Variants in ZNF385D observed in about 807,000 individuals in gnomAD.
The protein encoded by ZNF385D is zinc finger protein 659.
In ZNF385D, 15 loss-of-function variants were observed where a neutral mutation model predicts 35.8. The observed-to-expected ratio is 0.42, with a 90% CI of 0.28 to 0.64. The LOEUF (loss-of-function observed/expected upper bound fraction) is 0.64, where lower values mean the gene tolerates loss of function less well. Among genes scored for constraint, ZNF385D ranks in the 30% least tolerant of loss-of-function variants. ZNF385D has a pLI of 0.23. For missense variants in ZNF385D, 474 were observed against 494.6 expected (o/e 0.96, Z 0.39); for synonymous variants, 212 against 186.8 (o/e 1.13, Z -1.10).
intron 4 of ZNF385D, among the ~76,000 whole-genome samples, chr3:21,496,937 C>G (rs200051292): frequency 1.3e-5 from 2 of 152,052 alleles, no homozygotes; most frequent in African/African-American, 2.4e-5. Context: ...AACCCATACC[C>G]AACATCATAC....
chr3:21,806,949 T>A (rs570103104), intron 3 of ZNF385D, among the ~76,000 whole-genome samples: 1 of 152,234 alleles, frequency 6.6e-6, no homozygotes, highest in Non-Finnish European at 1.5e-5. Flanking sequence ...AGAAATTTCA[T>A]TGCCCATGGG....
At chr3:21,502,909 G>A (rs919527696) in intron 4 of ZNF385D, among the ~76,000 whole-genome samples, 15 of 152,278 alleles carry the variant, frequency 9.9e-5, no homozygotes, top group African/African-American at 3.1e-4. Flanking sequence ...GTGCCAAGAC[G>A]TATGCAGTGG....
chr3:21,851,433 G>A (rs1364513153), intron 3 of ZNF385D, among the ~76,000 whole-genome samples: 5 of 151,844 alleles, frequency 3.3e-5, no homozygotes, highest in Non-Finnish European at 5.9e-5. Flanking sequence ...CAATAGAAAC[G>A]AAAATATATT....
intron 4 of ZNF385D, among the ~76,000 whole-genome samples, chr3:21,495,284 T>C (rs747527895): frequency 7.0e-4 from 106 of 152,208 alleles, no homozygotes; most frequent in African/African-American, 2.5e-3. Flanking sequence ...GAAAGCATTG[T>C]TTTCTTTCTA....
At chr3:21,754,897 G>C (rs148867754), upstream of ZNF385D, among the ~76,000 whole-genome samples, 65 of 152,340 alleles carry the variant, frequency 4.3e-4, no homozygotes, top group African/African-American at 1.6e-3. Flanking sequence ...AAGTACAGCT[G>C]TATTGTGTGT....
At chr3:22,336,336 C>T (rs189894049) in intron 2 of ZNF385D, among the ~76,000 whole-genome samples, 5 of 152,190 alleles carry the variant, frequency 3.3e-5, no homozygotes, top group African/African-American at 1.2e-4. Context: ...AATACCAAAA[C>T]TTAATTCTTT....
intron 3 of ZNF385D, among the ~76,000 whole-genome samples, chr3:21,877,539 G>A (rs533858566): frequency 3.3e-5 from 5 of 152,146 alleles, no homozygotes; most frequent in South Asian, 4.1e-4. Flanking sequence ...CACAATAGAC[G>A]ACTGGTGGTA....
At position 21,421,329 on chromosome 3, in the gene ZNF385D, C is replaced by T. The variant is rs1242765846; in HGVS notation, c.1073G>A (p.Arg358Gln). The change falls in exon 8 of 8, where the codon CGA becomes CAA. Residue 358 changes from arginine to glutamine, a missense_variant. Arg to Gln is a conservative substitution (Grantham distance 43). Coordinates refer to ENST00000281523, the MANE Select transcript of ZNF385D (RefSeq NM_024697.3). ...AVAVSSPFSL[R>Q]TAPAATLFQT... ...GAACAGTGTTGCTGCTGGAGCAGTT[C>T]GAAGACTGAAGGGGGAACTCACTGC... The T allele has an allele frequency of 1.9e-6, 3 of 1,613,762 alleles. No individual in the cohort carries two copies. The highest frequency in any genetic ancestry group is 2.5e-6 in the Non-Finnish European group (3 of 1,179,814).
chr3:22,127,511 T>G (rs1396583874), intron 3 of ZNF385D, among the ~76,000 whole-genome samples: 1 of 151,752 alleles, frequency 6.6e-6, no homozygotes, highest in Non-Finnish European at 1.5e-5. Flanking sequence ...AGTTAATTTT[T>G]GTACTTTTAG....
At chr3:22,245,524 A>T (rs1357673217) in intron 2 of ZNF385D, among the ~76,000 whole-genome samples, 1 of 151,326 alleles carries the variant, frequency 6.6e-6, no homozygotes, top group East Asian at 1.9e-4. Flanking sequence ...TAAAGTAGGG[A>T]GCGCATTTCC....
chr3:22,350,391 T>C (rs1301470630), intron 2 of ZNF385D, among the ~76,000 whole-genome samples: 5 of 152,162 alleles, frequency 3.3e-5, no homozygotes, highest in Non-Finnish European at 5.9e-5. Context: ...TACTCACCTT[T>C]GAACCCAAAT....
At chr3:21,773,691 T>C (rs920753326) in intron 3 of ZNF385D, among the ~76,000 whole-genome samples, 2 of 151,600 alleles carry the variant, frequency 1.3e-5, no homozygotes, top group African/African-American at 2.4e-5. Context: ...CCCTGATCAT[T>C]AGAGAAATGA....
At chr3:22,338,236 T>C (rs868502349) in intron 2 of ZNF385D, among the ~76,000 whole-genome samples, 5 of 152,218 alleles carry the variant, frequency 3.3e-5, no homozygotes, top group Admixed American at 1.3e-4. Flanking sequence ...AGACTTAGTT[T>C]TATGTACAGT....
intron 2 of ZNF385D, among the ~76,000 whole-genome samples, chr3:22,299,329 T>C (rs577336974): frequency 6.6e-6 from 1 of 152,022 alleles, no homozygotes; most frequent in Non-Finnish European, 1.5e-5. Context: ...TAAAACACTT[T>C]AGGTTATTTT....
At chr3:21,708,889 A>T (rs990314785) in intron 1 of ZNF385D, among the ~76,000 whole-genome samples, 2 of 151,140 alleles carry the variant, frequency 1.3e-5, no homozygotes, top group Admixed American at 1.3e-4. Flanking sequence ...ACACACACTA[A>T]CAACAACAAT....
chr3:21,494,036 T>C (rs1174486592), intron 4 of ZNF385D, among the ~76,000 whole-genome samples: 1 of 151,994 alleles, frequency 6.6e-6, no homozygotes, highest in Non-Finnish European at 1.5e-5. Flanking sequence ...ATCGTCTAGA[T>C]AGCATTACAA....
chr3:22,096,044 A>T (rs1462845721), intron 3 of ZNF385D, among the ~76,000 whole-genome samples: 1 of 151,990 alleles, frequency 6.6e-6, no homozygotes, highest in Non-Finnish European at 1.5e-5. Context: ...AATTTGAAGG[A>T]GAGAATGTAG....
intron 3 of ZNF385D, among the ~76,000 whole-genome samples, chr3:21,932,898 T>C (rs1471280044): frequency 1.3e-5 from 2 of 152,204 alleles, no homozygotes; most frequent in African/African-American, 4.8e-5. Context: ...TTTGTGATTG[T>C]TACCTGGGCC....
At chr3:21,560,231 A>T (rs146321542) in intron 3 of ZNF385D, among the ~76,000 whole-genome samples, 7,734 of 152,008 alleles carry the variant, frequency 0.051, 283 homozygotes, top group East Asian at 0.17. Flanking sequence ...TTTGGAGGAG[A>T]AGAGGCGTTC....
Sources: allele counts gnomAD v4.1 joint callset (sites outside exome capture counted in the v4.1 genomes callset), GRCh38; gene constraint gnomAD v4.1.1; transcripts MANE v1.5; gene names NCBI Gene and HGNC (gene_info 2026-07-23, HGNC 2026-07-21).